The following PCDH15 variants were observed in gnomAD, a reference collection of about 807,000 sequenced individuals.
The protein encoded by PCDH15 is protocadherin related 15, also known as protocadherin-15.
A neutral mutation model predicts 178.5 loss-of-function variants in PCDH15; 129 were observed. The observed-to-expected ratio is 0.72, with a 90% CI of 0.63 to 0.84. The LOEUF (loss-of-function observed/expected upper bound fraction) is 0.84, where lower values mean the gene tolerates loss of function less well. PCDH15 is among the 40% of genes least tolerant of loss of function. PCDH15 has a pLI of 0.00. For synonymous variants in PCDH15, 800 were observed against 732.0 expected, an observed-to-expected ratio of 1.09 and a Z score of -1.50; for missense variants, 2,230 against 2,099.9, an observed-to-expected ratio of 1.06 and a Z score of -1.21.
chr10:55,264,601 A>G (rs7922365), intron 1 of PCDH15, among the ~76,000 whole-genome samples: 26,277 of 151,996 alleles, frequency 0.17, 3,134 homozygotes, highest in East Asian at 0.38. Context: ...GAAAGAAGGA[A>G]ATGAGGGACG....
intron 1 of PCDH15, among the ~76,000 whole-genome samples, chr10:54,717,689 G>A (rs1281654580): frequency 2.9e-5 from 4 of 136,818 alleles, no homozygotes; most frequent in Non-Finnish European, 6.3e-5. Flanking sequence ...CAACCATTGT[G>A]GAAGTCAGTG....
intron 3 of PCDH15, among the ~76,000 whole-genome samples, chr10:54,806,518 C>G (rs1188025428): frequency 6.7e-6 from 1 of 150,168 alleles, no homozygotes; most frequent in Non-Finnish European, 1.5e-5. Flanking sequence ...GAGTCTTGCT[C>G]TGTCACCCAG....
chr10:54,511,670 T>G (rs1466292921), intron 3 of PCDH15, among the ~76,000 whole-genome samples: 1 of 152,192 alleles, frequency 6.6e-6, no homozygotes, highest in Non-Finnish European at 1.5e-5. Context: ...CCTGGAATTT[T>G]AACTCTTAGT....
chr10:55,454,780 CAAAAAA>C (rs10606669), intron 2 of PCDH15, among the ~76,000 whole-genome samples: 2 of 98,382 alleles, frequency 2.0e-5, no homozygotes, highest in East Asian at 3.1e-4. Flanking sequence ...GACTCTGTCT[CAAAAAA>C]AAAAAAAAAA....
At chr10:54,192,936 T>C (rs2049181026) in intron 11 of PCDH15, among the ~76,000 whole-genome samples, 1 of 152,118 alleles carries the variant, frequency 6.6e-6, no homozygotes, top group Admixed American at 6.6e-5. Flanking sequence ...ATTGCTACCA[T>C]ATAGATGACT....
At chr10:54,509,392 T>C (rs1474480075) in intron 3 of PCDH15, among the ~76,000 whole-genome samples, 1 of 152,122 alleles carries the variant, frequency 6.6e-6, no homozygotes, top group Non-Finnish European at 1.5e-5. Flanking sequence ...CCATGAAAGA[T>C]GTGCTTTTTG....
chr10:55,553,198 G>T (rs1423374607), intron 2 of PCDH15, among the ~76,000 whole-genome samples: 2 of 148,282 alleles, frequency 1.3e-5, no homozygotes, highest in Non-Finnish European at 3.0e-5. Context: ...CTTTTCTACC[G>T]CTAGGTTAAT....
intron 8 of PCDH15, among the ~76,000 whole-genome samples, chr10:54,284,053 T>C (rs980293063): frequency 2.0e-5 from 3 of 152,118 alleles, no homozygotes; most frequent in African/African-American, 7.2e-5. Flanking sequence ...CAGGCTGGTC[T>C]TGAACTCCTG....
intron 1 of PCDH15, among the ~76,000 whole-genome samples, chr10:54,714,926 T>C (rs2095462762): frequency 6.6e-6 from 1 of 152,176 alleles, no homozygotes; most frequent in South Asian, 2.1e-4. Context: ...TGTTGTGTGG[T>C]AAATTTATTT....
chr10:55,614,699 T>G (rs1387911247), intron 2 of PCDH15, among the ~76,000 whole-genome samples: 5 of 152,174 alleles, frequency 3.3e-5, no homozygotes, highest in Non-Finnish European at 5.9e-5. Context: ...TAAAGTGGTT[T>G]GGTCACTATT....
At position 54,174,953 on chromosome 10, in the gene PCDH15, G is replaced by T. The variant is rs1191426920; in HGVS notation, c.1590+8491C>A. ...TATAAGTTCAGAATTACATGTTGGT[G>T]TATATATTTCAATTCTAATACAAAT... On this transcript the variant is annotated intron_variant, in intron 13 of 37. Coordinates refer to ENST00000644397, the MANE Select transcript of PCDH15 (RefSeq NM_001384140.1). Among the ~76,000 whole-genome samples, 4 of 152,038 alleles carry T rather than the reference G, an allele frequency of 2.6e-5. No homozygotes were observed. The South Asian group carries it at 8.3e-4, about 32-fold the overall frequency.
intron 8 of PCDH15, among the ~76,000 whole-genome samples, chr10:54,266,097 G>GAAA (rs2057662349): frequency 6.6e-6 from 1 of 151,298 alleles, no homozygotes; most frequent in African/African-American, 2.4e-5. Flanking sequence ...GACCACAGTA[G>GAAA]AATAAAAATA....
At position 55,039,433 on chromosome 10, in the gene PCDH15, C is replaced by T. The variant is rs74136333; in HGVS notation, c.-80+127143G>A. Among the ~76,000 whole-genome samples, 742 of 152,152 alleles carry T rather than the reference C, an allele frequency of 4.9e-3. 3 individuals are homozygous for T. The highest frequency in any genetic ancestry group is 0.017 in the African/African-American group (718 of 41,522). On this transcript the variant is annotated intron_variant, in intron 2 of 5. Coordinates refer to the PCDH15 transcript ENST00000458638. ...AATGATGCAAATTCTAAGAATATTC[C>T]TCTTCCAGTAGTTAGGCATATAAAA...
chr10:54,075,888 T>C (rs1291274841), intron 17 of PCDH15, among the ~76,000 whole-genome samples: 1 of 152,158 alleles, frequency 6.6e-6, no homozygotes, highest in Non-Finnish European at 1.5e-5. Context: ...GTATAAGTTC[T>C]CCAGCTTTGT....
At chr10:55,098,855 A>G (rs1441315870) in intron 2 of PCDH15, among the ~76,000 whole-genome samples, 1 of 147,760 alleles carries the variant, frequency 6.8e-6, no homozygotes, top group African/African-American at 2.5e-5. Context: ...AATACAGATA[A>G]CACTTTTGAG....
At chr10:54,523,592 A>G (rs1311599725) in intron 3 of PCDH15, among the ~76,000 whole-genome samples, 1 of 152,184 alleles carries the variant, frequency 6.6e-6, no homozygotes, top group Non-Finnish European at 1.5e-5. Context: ...AAGTAATTCA[A>G]TTTAGGAATA....
At chr10:55,220,647 G>T (rs963777214) in intron 1 of PCDH15, among the ~76,000 whole-genome samples, 2 of 151,938 alleles carry the variant, frequency 1.3e-5, no homozygotes, top group Admixed American at 1.3e-4. Flanking sequence ...TGGTAAGTAC[G>T]TACGTATCTA....
chr10:53,890,010 G>A (rs1342397661), intron 26 of PCDH15, among the ~76,000 whole-genome samples: 1 of 152,186 alleles, frequency 6.6e-6, no homozygotes, highest in Admixed American at 6.5e-5. Flanking sequence ...CTTGACCTGG[G>A]CACTGGTTAC....
chr10:54,260,644 G>A (rs542348847), intron 8 of PCDH15, among the ~76,000 whole-genome samples: 5 of 152,014 alleles, frequency 3.3e-5, no homozygotes, highest in East Asian at 3.9e-4. Context: ...GCAGTGGCGC[G>A]ATCTCGGCTC....
Sources: gnomAD v4.1 joint callset for allele counts (sites outside exome capture counted in the v4.1 genomes callset) on GRCh38, gnomAD v4.1.1 for gene constraint, MANE v1.5 for transcripts, NCBI Gene and HGNC (gene_info 2026-07-23, HGNC 2026-07-21) for gene names.